The following GABRB1 variants were observed in gnomAD, a reference collection of about 807,000 sequenced individuals.
The protein encoded by GABRB1 is gamma-aminobutyric acid receptor subunit beta-1.
A neutral mutation model predicts 51.6 loss-of-function variants in GABRB1; 17 were observed. The observed-to-expected ratio is 0.33, with a 90% CI of 0.23 to 0.49. The LOEUF is 0.49. Among genes scored for constraint, GABRB1 ranks in the 20% least tolerant of loss-of-function variants. The probability of loss-of-function intolerance (pLI) is 0.99; values close to 1 mark genes in which losing one functional copy is unlikely to be tolerated. For missense variants in GABRB1, 410 were observed against 600.6 expected, an observed-to-expected ratio of 0.68 and a Z score of 3.32; for synonymous variants, 247 against 218.9, an observed-to-expected ratio of 1.13 and a Z score of -1.14.
intron 4 of GABRB1, among the ~76,000 whole-genome samples, chr4:47,204,102 A>C (rs1481210250): frequency 6.6e-6 from 1 of 152,206 alleles, no homozygotes; most frequent in Non-Finnish European, 1.5e-5. Flanking sequence ...ATGTATCTGA[A>C]TTTAAGTAGT....
intron 4 of GABRB1, among the ~76,000 whole-genome samples, chr4:47,209,636 A>G (rs1046699342): frequency 3.9e-5 from 6 of 152,154 alleles, no homozygotes; most frequent in African/African-American, 1.4e-4. Flanking sequence ...ACCATGTGCC[A>G]TTTACCTTCT....
chr4:47,223,722 A>G (rs575495327), intron 4 of GABRB1, among the ~76,000 whole-genome samples: 2 of 152,128 alleles, frequency 1.3e-5, no homozygotes, highest in Non-Finnish European at 2.9e-5. Context: ...TAGACCCACA[A>G]GATGATGATT....
chr4:47,406,961 T>A lies in GABRB1; in HGVS notation c.1080+35T>A. 1.3e-6 allele frequency: 2 copies of A among 1,592,962 alleles called. 1 individual carries two copies. Among genetic ancestry groups the A allele is most frequent in the Non-Finnish European group, 1.7e-6 (2 of 1,165,708 alleles). The stretch of plus-strand genomic sequence containing the variant: ...TAAATATTCCTAACAATATTCTTGT[T>A]AAATTTATCAGCATCATGATGCCTC... On this transcript the variant is annotated intron_variant, in intron 8 of 8. Coordinates refer to ENST00000295454, the MANE Select transcript of GABRB1 (RefSeq NM_000812.4).
chr4:47,263,779 T>C (rs1489056925), intron 4 of GABRB1, among the ~76,000 whole-genome samples: 4 of 152,172 alleles, frequency 2.6e-5, no homozygotes, highest in Non-Finnish European at 5.9e-5. Flanking sequence ...TAAATTCTTA[T>C]GTATCTATAC....
intron 4 of GABRB1, among the ~76,000 whole-genome samples, chr4:47,193,980 C>G (rs1719547128): frequency 6.6e-6 from 1 of 152,112 alleles, no homozygotes. Context: ...ACACAATTCT[C>G]AAAAATAAGA....
At chr4:47,166,824 C>T (rs1166859935) in intron 4 of GABRB1, among the ~76,000 whole-genome samples, 1 of 152,094 alleles carries the variant, frequency 6.6e-6, no homozygotes, top group African/African-American at 2.4e-5. Context: ...TCTCTGCCCC[C>T]ACTCCACCAC....
intron 3 of GABRB1, among the ~76,000 whole-genome samples, chr4:47,134,279 T>C (rs1422930610): frequency 1.3e-5 from 2 of 152,162 alleles, no homozygotes; most frequent in Non-Finnish European, 2.9e-5. Flanking sequence ...ATTAGTGCTG[T>C]TTATCCCATC....
chr4:47,388,022 T>C (rs753183104), intron 5 of GABRB1, among the ~76,000 whole-genome samples: 1 of 152,100 alleles, frequency 6.6e-6, no homozygotes, highest in Non-Finnish European at 1.5e-5. Context: ...GTCCCATTGG[T>C]GTCAAAGGTT....
chr4:47,060,395 C>A (rs1166356230), intron 3 of GABRB1, among the ~76,000 whole-genome samples: 1 of 152,092 alleles, frequency 6.6e-6, no homozygotes, highest in African/African-American at 2.4e-5. Context: ...AGAAATATCT[C>A]AGCTTTCCAG....
At chr4:47,044,319 A>G (rs1009508070) in intron 3 of GABRB1, among the ~76,000 whole-genome samples, 6 of 152,096 alleles carry the variant, frequency 3.9e-5, no homozygotes, top group Non-Finnish European at 8.8e-5. Context: ...TTTTAAGTCC[A>G]GACACTCTTG....
intron 5 of GABRB1, among the ~76,000 whole-genome samples, chr4:47,333,674 C>T (rs1202625529): frequency 6.6e-6 from 1 of 152,166 alleles, no homozygotes; most frequent in Non-Finnish European, 1.5e-5. Context: ...AAAATCGTGC[C>T]ATTGCACTCT....
chr4:47,371,886 G>A (rs1412061172), intron 5 of GABRB1, among the ~76,000 whole-genome samples: 2 of 152,030 alleles, frequency 1.3e-5, no homozygotes, highest in Non-Finnish European at 2.9e-5. Context: ...CATTCTGTAG[G>A]TTGTCTGTTT....
At chr4:47,244,552 A>C (rs1035992805) in intron 4 of GABRB1, among the ~76,000 whole-genome samples, 3 of 152,136 alleles carry the variant, frequency 2.0e-5, no homozygotes, top group African/African-American at 4.8e-5. Context: ...TTATTGCCTC[A>C]ATTTCAGAGC....
At chr4:47,316,659 C>T (rs1724902914) in intron 4 of GABRB1, among the ~76,000 whole-genome samples, 1 of 151,946 alleles carries the variant, frequency 6.6e-6, no homozygotes, top group South Asian at 2.1e-4. Flanking sequence ...TCATTAAGTA[C>T]TTCTAGAGAC....
At chr4:47,146,415 G>A (rs1717174180) in intron 3 of GABRB1, among the ~76,000 whole-genome samples, 1 of 151,890 alleles carries the variant, frequency 6.6e-6, no homozygotes, top group Admixed American at 6.6e-5. Flanking sequence ...GCAGTAGAAA[G>A]AAAGTATACG....
intron 3 of GABRB1, among the ~76,000 whole-genome samples, chr4:47,097,167 A>G (rs1714482834): frequency 1.3e-5 from 2 of 152,118 alleles, no homozygotes; most frequent in South Asian, 4.2e-4. Context: ...TCAGAGTAAA[A>G]CCGAAAATCT....
intron 4 of GABRB1, among the ~76,000 whole-genome samples, chr4:47,279,857 T>A (rs533230609): frequency 7.0e-4 from 107 of 152,020 alleles, no homozygotes; most frequent in African/African-American, 2.3e-3. Context: ...TTTTTTTTTT[T>A]TTAAATTCAT....
chr4:47,003,157 T>G (rs951828750), intron 1 of GABRB1, among the ~76,000 whole-genome samples: 4 of 152,236 alleles, frequency 2.6e-5, no homozygotes, highest in African/African-American at 9.6e-5. Context: ...CAGTCCTCCA[T>G]GTATCTTCAC....
At chr4:47,269,485 A>ACT in intron 4 of GABRB1, among the ~76,000 whole-genome samples, 1 of 152,184 alleles carries the variant, frequency 6.6e-6, no homozygotes, top group Non-Finnish European at 1.5e-5. Context: ...GCATCCAGTG[A>ACT]TAGATGGCTC....
Sources: gnomAD v4.1 joint callset for allele counts (sites outside exome capture counted in the v4.1 genomes callset) on GRCh38, gnomAD v4.1.1 for gene constraint, MANE v1.5 for transcripts, NCBI Gene and HGNC (gene_info 2026-07-23, HGNC 2026-07-21) for gene names.